ZNF782: variants seen among roughly 807,000 people sequenced by gnomAD.
The protein encoded by ZNF782 is zinc finger protein 782.
Under a neutral mutation model 13.0 loss-of-function variants are expected in ZNF782, and 12 were observed. The observed-to-expected ratio is 0.92, with a 90% CI of 0.59 to 1.50. The LOEUF is 1.50. ZNF782 is among the 40% of genes most tolerant of loss of function. The probability of loss-of-function intolerance (pLI) is 0.00; values close to 1 mark genes in which losing one functional copy is unlikely to be tolerated. For missense variants in ZNF782, 770 were observed against 822.9 expected (o/e 0.94, Z 0.79); for synonymous variants, 284 against 283.0 (o/e 1.00, Z -0.04).
the ZNF782 span, among the ~76,000 whole-genome samples, chr9:96,905,930 A>G: frequency 5.3e-5 from 8 of 151,516 alleles, no homozygotes; most frequent in African/African-American, 7.3e-5. Flanking sequence ...TACTCTATGG[A>G]CTTGTGTGAA....
upstream of ZNF782, among the ~76,000 whole-genome samples, chr9:96,880,523 G>T (rs570407849): frequency 6.6e-6 from 1 of 152,258 alleles, no homozygotes; most frequent in Non-Finnish European, 1.5e-5. Flanking sequence ...TGCTTTTGCC[G>T]CATCAACTGA....
At chr9:96,823,111 A>G (rs1273340792) in intron 5 of ZNF782, among the ~76,000 whole-genome samples, 1 of 152,192 alleles carries the variant, frequency 6.6e-6, no homozygotes, top group Non-Finnish European at 1.5e-5. Context: ...CTTTTTCTGT[A>G]AAAGGCCAGA....
the ZNF782 span, among the ~76,000 whole-genome samples, chr9:96,913,973 CAA>C: frequency 2.7e-4 from 26 of 97,330 alleles, no homozygotes; most frequent in Middle Eastern, 6.4e-3. Context: ...GACCTTGTCT[CAA>C]AAAAAAAAAA....
At chr9:96,863,963 A>T (rs1285608879) in intron 1 of ZNF782, among the ~76,000 whole-genome samples, 2 of 152,038 alleles carry the variant, frequency 1.3e-5, no homozygotes, top group African/African-American at 2.4e-5. Context: ...ATCCCTAAAC[A>T]ACTTATCCAT....
chr9:96,886,839 C>A, the ZNF782 span, among the ~76,000 whole-genome samples: 19 of 150,294 alleles, frequency 1.3e-4, no homozygotes, highest in East Asian at 3.4e-3. Context: ...AGGAGAATCG[C>A]TTGAACCTGG....
At chr9:96,840,740 G>C (rs907344239) in intron 4 of ZNF782, among the ~76,000 whole-genome samples, 14 of 152,040 alleles carry the variant, frequency 9.2e-5, no homozygotes, top group Non-Finnish European at 2.9e-5. Flanking sequence ...AACCCGATAT[G>C]CAATTTGCAT....
intron 1 of ZNF782, among the ~76,000 whole-genome samples, chr9:96,874,201 C>T (rs1027117422): frequency 2.0e-5 from 3 of 152,180 alleles, no homozygotes; most frequent in Non-Finnish European, 4.4e-5. Context: ...GTGTTTGACT[C>T]GTGGATCTGA....
Position 96,816,670 on chromosome 9 carries a change from T to C in ZNF782, c.*1253A>G, listed in dbSNP as rs1422392137. Reference sequence around the variant, plus strand: ...CAAGCTCTGATATAAAATATGATAATTTGTTGAAAACTTTTACACATTCAA... The same window carrying C: ...CAAGCTCTGATATAAAATATGATAACTTGTTGAAAACTTTTACACATTCAA... On this transcript the variant is annotated 3_prime_UTR_variant, in exon 6 of 6. Transcript: ENST00000481138. The C allele has an allele frequency of 3.3e-5, 5 of 152,226 alleles. No homozygotes were observed. The highest frequency in any genetic ancestry group is 6.5e-5 in the Admixed American group (1 of 15,276). The allele number at this position is 152,226 out of a possible 1,614,324, so 9.4% of individuals were successfully genotyped here. A position where few individuals can be genotyped will look rare whatever the true frequency, so the allele number is the denominator to read the frequency against.
chr9:96,828,103 A>C (rs1044759779), intron 4 of ZNF782, among the ~76,000 whole-genome samples: 1 of 152,222 alleles, frequency 6.6e-6, no homozygotes, highest in Non-Finnish European at 1.5e-5. Context: ...CTGTATAAGC[A>C]TATAAGAGAA....
In ZNF782 at chr9:96,819,160, A is replaced by G; in HGVS notation, c.863T>C (p.Leu288Pro). The change falls in exon 6 of 6, where the codon CTC (leucine) becomes CCC (proline). Residue 288 changes from leucine (L) to proline (P), a missense_variant. Coordinates refer to ENST00000481138, the MANE Select transcript of ZNF782 (RefSeq NM_001001662.3). ...TTGGCTGAAGGATTTCCCTCCTGTGAGAGTTTTGTGAGTGATTCTACAGAA... is the reference window on the plus strand; with the variant it reads ...TTGGCTGAAGGATTTCCCTCCTGTGGGAGTTTTGTGAGTGATTCTACAGAA... ...NCFCRITHKT[L>P]TGGKSFSQKS... The G allele has an allele frequency of 6.2e-7, 1 of 1,613,456 alleles. No individual in the cohort carries two copies. Among genetic ancestry groups the G allele is most frequent in the Non-Finnish European group, 8.5e-7 (1 of 1,179,718 alleles).
chr9:96,855,918 A>C (rs1189901899), upstream of ZNF782, among the ~76,000 whole-genome samples: 1 of 152,216 alleles, frequency 6.6e-6, no homozygotes, highest in Non-Finnish European at 1.5e-5. Flanking sequence ...GCCAGCATCA[A>C]CTATTTTTTG....
chr9:96,819,904 A>G (rs954556819), intron 5 of ZNF782, 126 bp from the exon 6 acceptor site: 16 of 798,462 alleles, frequency 2.0e-5, no homozygotes, highest in Non-Finnish European at 2.8e-5. Flanking sequence ...TTTCTCAACA[A>G]TAAAGTAATT....
chr9:96,861,115 A>AAAAAG (rs1851698323), intron 2 of ZNF782, among the ~76,000 whole-genome samples: 2 of 152,238 alleles, frequency 1.3e-5, no homozygotes, highest in Non-Finnish European at 2.9e-5. Flanking sequence ...AAAAGATTTA[A>AAAAAG]ATCAAAGACC....
the ZNF782 span, chr9:96,889,172 G>A: frequency 6.6e-6 from 1 of 152,168 alleles, no homozygotes. Context: ...TGCATCATAA[G>A]CCCACTCCCT....
At chr9:96,873,685 G>A (rs772612252) in intron 1 of ZNF782, among the ~76,000 whole-genome samples, 1 of 152,240 alleles carries the variant, frequency 6.6e-6, no homozygotes, top group South Asian at 2.1e-4. Flanking sequence ...GTGACAGAGC[G>A]AGACCTTGTC....
At chr9:96,920,268 CTTT>C in the ZNF782 span, among the ~76,000 whole-genome samples, 9 of 132,818 alleles carry the variant, frequency 6.8e-5, no homozygotes, top group Non-Finnish European at 8.1e-5. Context: ...ACACCAAAAC[CTTT>C]TTTTTTTTTT....
chr9:96,870,806 C>G (rs113245962), intron 1 of ZNF782, among the ~76,000 whole-genome samples: 6 of 152,184 alleles, frequency 3.9e-5, no homozygotes, highest in African/African-American at 1.4e-4. Context: ...CCACTAGGAG[C>G]AGATGCAGCA....
In ZNF782 at chr9:96,852,040, G is replaced by A. The variant is rs527360763; in HGVS notation, c.-44-35C>T. Reference sequence around the variant, plus strand: ...CAGAAAGAGGATGTCACACGGTCTCGCCTACCTCACAGCTCCTAGATTAGC... The same window carrying A: ...CAGAAAGAGGATGTCACACGGTCTCACCTACCTCACAGCTCCTAGATTAGC... On this transcript the variant is annotated intron_variant, in intron 2 of 5. Coordinates refer to ENST00000481138, the MANE Select transcript of ZNF782 (RefSeq NM_001001662.3). 4.2e-4 allele frequency: 605 copies of A among 1,425,244 alleles called. 12 individuals are homozygous for A. In the South Asian group the frequency reaches 6.4e-3, roughly 15 times the overall value. The allele number at this position is 1,425,244 out of a possible 1,614,324, so 88.3% of individuals were successfully genotyped here.
rs776826996 is a variant in ZNF782, at chr9:96,819,381, A to G, written c.642T>C (p.Asp214=). ...CTTTTCTACTTTCATTATATTCAAA[A>G]TCTTGCCCCAGAGTCTGAATTGTCT... ...QHQTIQTLGQ[D]FEYNESRKAF... Residue 214 remains aspartate, a synonymous_variant, in exon 6 of 6, where the codon GAT becomes GAC. Transcript: ENST00000481138. 6.2e-7 allele frequency: 1 copy of G among 1,604,840 alleles called. No homozygotes were observed. The highest frequency in any genetic ancestry group is 8.5e-7 in the Non-Finnish European group (1 of 1,176,588).
Sources: gnomAD v4.1 joint callset for allele counts (sites outside exome capture counted in the v4.1 genomes callset) on GRCh38, gnomAD v4.1.1 for gene constraint, MANE v1.5 for transcripts, NCBI Gene and HGNC (gene_info 2026-07-23, HGNC 2026-07-21) for gene names.